KCNH8: variants seen among roughly 807,000 people sequenced by gnomAD.
The protein encoded by KCNH8 is voltage-gated delayed rectifier potassium channel KCNH8.
Under a neutral mutation model 103.6 loss-of-function variants are expected in KCNH8, and 70 were observed. The ratio of observed to expected loss-of-function variants is 0.68; its 90% confidence interval spans 0.56 to 0.82. KCNH8 has a LOEUF of 0.82. Ranked by LOEUF, KCNH8 falls within the 40% of genes least tolerant of loss-of-function variation. The probability of loss-of-function intolerance (pLI) is 0.00; values close to 1 mark genes in which losing one functional copy is unlikely to be tolerated. For synonymous variants in KCNH8, 498 were observed against 489.4 expected (o/e 1.02, Z -0.23); for missense variants, 1,217 against 1,329.9 (o/e 0.92, Z 1.32).
chr3:19,322,278 G>A (rs899604724), intron 3 of KCNH8, among the ~76,000 whole-genome samples: 2 of 151,882 alleles, frequency 1.3e-5, no homozygotes, highest in African/African-American at 4.8e-5. Context: ...TTGTTTTATA[G>A]GTCCTGTGAG....
At chr3:19,309,274 C>A (rs751013492) in intron 3 of KCNH8, among the ~76,000 whole-genome samples, 6 of 151,916 alleles carry the variant, frequency 3.9e-5, no homozygotes, top group Non-Finnish European at 5.9e-5. Context: ...GGGATGTTCC[C>A]TCAAAATGCT....
At chr3:19,281,461 C>T in intron 3 of KCNH8, 132 bp downstream of exon 3, 1 of 720,614 alleles carries the variant, frequency 1.4e-6, no homozygotes, top group Non-Finnish European at 2.2e-6. Context: ...TAGCAGTCAG[C>T]ATTTGGTGCA....
At chr3:19,173,292 A>T (rs2063365786) in intron 1 of KCNH8, among the ~76,000 whole-genome samples, 1 of 152,294 alleles carries the variant, frequency 6.6e-6, no homozygotes, top group African/African-American at 2.4e-5. Context: ...TGGACCGGCA[A>T]TGTGAGTGCC....
At chr3:19,239,197 C>A (rs1222186813) in intron 1 of KCNH8, among the ~76,000 whole-genome samples, 4 of 151,974 alleles carry the variant, frequency 2.6e-5, no homozygotes, top group African/African-American at 7.3e-5. Context: ...TAGGCTTTTG[C>A]TGGCCTATTT....
chr3:19,180,764 G>T (rs2063444923), intron 1 of KCNH8, among the ~76,000 whole-genome samples: 1 of 152,198 alleles, frequency 6.6e-6, no homozygotes, highest in East Asian at 1.9e-4. Flanking sequence ...GATAGGCTAT[G>T]AGGATATACT....
At chr3:19,504,336 AGTG>A (rs1312068620) in intron 11 of KCNH8, among the ~76,000 whole-genome samples, 1 of 152,222 alleles carries the variant, frequency 6.6e-6, no homozygotes, top group Non-Finnish European at 1.5e-5. Context: ...AAAATTAATG[AGTG>A]GGATCTAATT....
At chr3:19,291,317 T>G (rs1293177244) in intron 3 of KCNH8, among the ~76,000 whole-genome samples, 1 of 152,184 alleles carries the variant, frequency 6.6e-6, no homozygotes, top group African/African-American at 2.4e-5. Context: ...GCTTTTCTAG[T>G]TCTTTTAATT....
At chr3:19,434,300 A>G (rs1165014642) in intron 7 of KCNH8, among the ~76,000 whole-genome samples, 1 of 152,250 alleles carries the variant, frequency 6.6e-6, no homozygotes, top group East Asian at 1.9e-4. Context: ...AGCAATAGAG[A>G]TGAAATCTCA....
intron 1 of KCNH8, among the ~76,000 whole-genome samples, chr3:19,161,451 G>C (rs1286970864): frequency 6.6e-6 from 1 of 152,136 alleles, no homozygotes. Flanking sequence ...TCTTCTGTGT[G>C]TAGAAAAGAA....
chr3:19,247,360 G>C (rs2064219834), intron 1 of KCNH8, among the ~76,000 whole-genome samples: 1 of 152,128 alleles, frequency 6.6e-6, no homozygotes, highest in Non-Finnish European at 1.5e-5. Flanking sequence ...AAAGTGCAAA[G>C]ATCATTTAAA....
At chr3:19,373,168 A>G (rs531534921) in intron 5 of KCNH8, among the ~76,000 whole-genome samples, 1 of 152,102 alleles carries the variant, frequency 6.6e-6, no homozygotes, top group Non-Finnish European at 1.5e-5. Flanking sequence ...GTTGATTGGA[A>G]TAGTTTCAGA....
chr3:19,343,948 G>A (rs1280994051), intron 4 of KCNH8, among the ~76,000 whole-genome samples: 3 of 149,970 alleles, frequency 2.0e-5, no homozygotes, highest in East Asian at 2.0e-4. Flanking sequence ...AACCATGTCC[G>A]TGCTGGTGTG....
chr3:19,158,212 T>C (rs1242398171), intron 1 of KCNH8, among the ~76,000 whole-genome samples: 2 of 151,600 alleles, frequency 1.3e-5, no homozygotes, highest in South Asian at 4.2e-4. Flanking sequence ...ACAATGTTAT[T>C]CAACAATTCA....
chr3:19,174,911 ATGAAAG>A, intron 1 of KCNH8, among the ~76,000 whole-genome samples: 3 of 152,340 alleles, frequency 2.0e-5, no homozygotes, highest in Middle Eastern at 3.4e-3. Context: ...ATCATTGTAA[ATGAAAG>A]GAAGAAACAC....
At chr3:19,432,162 A>G (rs2067132565) in intron 7 of KCNH8, among the ~76,000 whole-genome samples, 1 of 152,146 alleles carries the variant, frequency 6.6e-6, no homozygotes, top group Non-Finnish European at 1.5e-5. Context: ...AATTTATTTT[A>G]CATGTACTTT....
At chr3:19,252,985 C>T (rs992290284) in intron 1 of KCNH8, among the ~76,000 whole-genome samples, 3 of 152,130 alleles carry the variant, frequency 2.0e-5, no homozygotes. Flanking sequence ...ATATTGACAT[C>T]CCAGGAGTGA....
At chr3:19,507,868 T>G (rs143036010) in intron 11 of KCNH8, among the ~76,000 whole-genome samples, 2 of 152,316 alleles carry the variant, frequency 1.3e-5, no homozygotes, top group Non-Finnish European at 2.9e-5. Flanking sequence ...GTGGGAGCAC[T>G]GTCCCAGGAA....
At chr3:19,497,506 T>G (rs2068469469) in intron 11 of KCNH8, among the ~76,000 whole-genome samples, 1 of 152,086 alleles carries the variant, frequency 6.6e-6, no homozygotes, top group Non-Finnish European at 1.5e-5. Flanking sequence ...TACGTAAAAC[T>G]CACTCAGGAG....
At chr3:19,238,497 C>T (rs1224965539) in intron 1 of KCNH8, among the ~76,000 whole-genome samples, 1 of 152,012 alleles carries the variant, frequency 6.6e-6, no homozygotes, top group Non-Finnish European at 1.5e-5. Flanking sequence ...CACTTGCACC[C>T]CTTTATGAGA....
Sources: allele counts gnomAD v4.1 joint callset (sites outside exome capture counted in the v4.1 genomes callset), GRCh38; gene constraint gnomAD v4.1.1; transcripts MANE v1.5; gene names NCBI Gene and HGNC (gene_info 2026-07-23, HGNC 2026-07-21).